Variants in DLGAP2 observed in about 807,000 individuals in gnomAD.
DLGAP2 encodes the protein disks large-associated protein 2.
Under a neutral mutation model 100.3 loss-of-function variants are expected in DLGAP2, and 26 were observed. That is an observed-to-expected ratio of 0.26 (90% CI 0.19 to 0.36). DLGAP2 has a LOEUF of 0.36. Ranked by LOEUF, DLGAP2 falls within the 10% of genes least tolerant of loss-of-function variation. The pLI is 1.00. For synonymous variants in DLGAP2, 886 were observed against 630.1 expected (o/e 1.41, Z -6.08); for missense variants, 1,858 against 1,453.2 (o/e 1.28, Z -4.53).
intron 1 of DLGAP2, among the ~76,000 whole-genome samples, chr8:878,820 A>C (rs1797730930): frequency 6.6e-6 from 1 of 152,146 alleles, no homozygotes; most frequent in Non-Finnish European, 1.5e-5. Flanking sequence ...ATGTTGTGAG[A>C]CAGCACAAGG....
At chr8:1,552,306 C>A (rs749363416) in intron 5 of DLGAP2, among the ~76,000 whole-genome samples, 1 of 152,222 alleles carries the variant, frequency 6.6e-6, no homozygotes, top group Non-Finnish European at 1.5e-5. Flanking sequence ...CGTTTTCTTG[C>A]AGTAGCAAGC....
chr8:1,130,336 T>A (rs111589807), intron 2 of DLGAP2, among the ~76,000 whole-genome samples: 2 of 152,280 alleles, frequency 1.3e-5, no homozygotes, highest in African/African-American at 4.8e-5. Flanking sequence ...GGTGTATTTA[T>A]TTTTTCTCAT....
intron 3 of DLGAP2, among the ~76,000 whole-genome samples, chr8:1,492,372 C>T (rs892640789): frequency 2.6e-5 from 4 of 152,172 alleles, no homozygotes; most frequent in Non-Finnish European, 5.9e-5. Context: ...GGAAGCGGCT[C>T]AAATGTAGGC....
At chr8:768,111 G>A (rs1270040932) in intron 1 of DLGAP2, among the ~76,000 whole-genome samples, 1 of 152,150 alleles carries the variant, frequency 6.6e-6, no homozygotes, top group Non-Finnish European at 1.5e-5. Flanking sequence ...AGAGGACAGG[G>A]AGATACAGGT....
chr8:920,966 A>G (rs964303332), intron 2 of DLGAP2, among the ~76,000 whole-genome samples: 1 of 152,030 alleles, frequency 6.6e-6, no homozygotes, highest in Non-Finnish European at 1.5e-5. Context: ...GTTACTGCCT[A>G]TCATTCATTC....
chr8:1,192,529 C>G (rs1289677321), intron 2 of DLGAP2, among the ~76,000 whole-genome samples: 1 of 152,182 alleles, frequency 6.6e-6, no homozygotes, highest in African/African-American at 2.4e-5. Flanking sequence ...TCTGAAATCT[C>G]ATGCCCTTTG....
At chr8:1,653,091 C>T (rs185521076) in intron 8 of DLGAP2, among the ~76,000 whole-genome samples, 5 of 152,292 alleles carry the variant, frequency 3.3e-5, no homozygotes, top group Admixed American at 6.5e-5. Flanking sequence ...TCTATTTCGA[C>T]GATTAGGATG....
chr8:938,051 G>A (rs990338252), intron 2 of DLGAP2, among the ~76,000 whole-genome samples: 11 of 152,150 alleles, frequency 7.2e-5, no homozygotes, highest in Non-Finnish European at 1.6e-4. Context: ...CATATCTGCT[G>A]AGGCCCTGCC....
At chr8:934,843 G>A (rs540738985) in intron 2 of DLGAP2, among the ~76,000 whole-genome samples, 4 of 152,118 alleles carry the variant, frequency 2.6e-5, no homozygotes, top group Non-Finnish European at 4.4e-5. Context: ...AGGTGTTCTC[G>A]GCTATAAGAG....
intron 1 of DLGAP2, among the ~76,000 whole-genome samples, chr8:759,472 C>T (rs1821022760): frequency 6.6e-6 from 1 of 151,314 alleles, no homozygotes; most frequent in South Asian, 2.1e-4. Context: ...GGTGTGTGAC[C>T]AGCACTCCGG....
intron 2 of DLGAP2, among the ~76,000 whole-genome samples, chr8:919,653 C>G (rs1798667995): frequency 6.6e-6 from 1 of 152,286 alleles, no homozygotes; most frequent in South Asian, 2.1e-4. Flanking sequence ...TCCGTCCGGC[C>G]GAGAAGCAGC....
intron 3 of DLGAP2, among the ~76,000 whole-genome samples, chr8:1,467,432 C>A (rs1235021215): frequency 6.6e-6 from 1 of 151,304 alleles, no homozygotes; most frequent in Non-Finnish European, 1.5e-5. Flanking sequence ...TCCAGAGAGA[C>A]CCAGGACCCC....
At chr8:1,500,641 C>G (rs142463454) in intron 3 of DLGAP2, among the ~76,000 whole-genome samples, 149 of 152,392 alleles carry the variant, frequency 9.8e-4, no homozygotes, top group Non-Finnish European at 8.7e-4. Context: ...ACAAGCTTGT[C>G]TGTCTCCCCA....
chr8:788,747 T>C (rs1206592213), intron 1 of DLGAP2, among the ~76,000 whole-genome samples: 3 of 152,232 alleles, frequency 2.0e-5, no homozygotes. Flanking sequence ...GTGATACTGA[T>C]AGCAAAGAAA....
chr8:981,056 A>G (rs1042780267), intron 2 of DLGAP2, among the ~76,000 whole-genome samples: 7 of 152,114 alleles, frequency 4.6e-5, no homozygotes, highest in Admixed American at 1.3e-4. Flanking sequence ...TAGAAACTCT[A>G]TCCCTGGTGA....
intron 2 of DLGAP2, among the ~76,000 whole-genome samples, chr8:1,008,750 T>C (rs931121076): frequency 2.0e-5 from 3 of 152,164 alleles, no homozygotes; most frequent in Admixed American, 1.3e-4. Context: ...ACCCCAGCAC[T>C]GAGGGTCCGT....
At chr8:1,307,545 G>C (rs73670725) in intron 3 of DLGAP2, among the ~76,000 whole-genome samples, 10,761 of 152,180 alleles carry the variant, frequency 0.071, 458 homozygotes, top group Middle Eastern at 0.17. Flanking sequence ...GTGGAAGCAG[G>C]GCTCAGATAA....
intron 2 of DLGAP2, among the ~76,000 whole-genome samples, chr8:946,185 TG>T (rs906458019): frequency 5.9e-5 from 9 of 152,056 alleles, no homozygotes; most frequent in Non-Finnish European, 1.3e-4. Context: ...AGTCACACAT[TG>T]ATTGTCATCT....
At chr8:1,282,621 A>G (rs1272971555) in intron 3 of DLGAP2, among the ~76,000 whole-genome samples, 4 of 94,576 alleles carry the variant, frequency 4.2e-5, no homozygotes, top group Non-Finnish European at 8.2e-5. Context: ...TGAACCATCC[A>G]GACGTGGTGT....
Sources: gnomAD v4.1 joint callset for allele counts (sites outside exome capture counted in the v4.1 genomes callset) on GRCh38, gnomAD v4.1.1 for gene constraint, MANE v1.5 for transcripts, NCBI Gene and HGNC (gene_info 2026-07-23, HGNC 2026-07-21) for gene names.